COL4A3: variants seen among roughly 807,000 people sequenced by gnomAD.
COL4A3 encodes collagen alpha-3(IV) chain.
Under a neutral mutation model 217.4 loss-of-function variants are expected in COL4A3, and 135 were observed. That is an observed-to-expected ratio of 0.62 (90% CI 0.54 to 0.72). COL4A3 has a LOEUF of 0.72. COL4A3 is among the 30% of genes least tolerant of loss of function. The probability of loss-of-function intolerance (pLI) is 0.00; values close to 1 mark genes in which losing one functional copy is unlikely to be tolerated. For synonymous variants in COL4A3, 690 were observed against 736.3 expected, an observed-to-expected ratio of 0.94 and a Z score of 1.02; for missense variants, 1,868 against 2,119.9, an observed-to-expected ratio of 0.88 and a Z score of 2.33.
Position 227,253,493 on chromosome 2 carries a change from A to C in COL4A3, c.688-68A>C. On this transcript the variant is annotated intron_variant, in intron 12 of 51. Coordinates refer to ENST00000396578, the MANE Select transcript of COL4A3 (RefSeq NM_000091.5). The surrounding 1 kb of genome is among the most constrained non-coding windows in gnomAD (Gnocchi z 4.4). ...ACTAAAGGGGAAAAGTAGACCTTTC[A>C]AACGTAGTAACATTGAAATGTTGAT... is the stretch of plus-strand genomic sequence containing the variant. The C allele has an allele frequency of 2.1e-6, 3 of 1,458,104 alleles. No individual in the cohort carries two copies. Among genetic ancestry groups the C allele is most frequent in the Non-Finnish European group, 2.9e-6 (3 of 1,037,766 alleles). The allele number at this position is 1,458,104 out of a possible 1,614,324, so 90.3% of individuals were successfully genotyped here.
chr2:227,221,665 A>G (rs2067792745), intron 1 of COL4A3, among the ~76,000 whole-genome samples: 1 of 151,296 alleles, frequency 6.6e-6, no homozygotes, highest in African/African-American at 2.4e-5. Context: ...TCCTGCATTA[A>G]TTTTTCTTGG....
chr2:227,249,230 A>ATATATATATATTTTTTTTTTTT, intron 9 of COL4A3, among the ~76,000 whole-genome samples: 1 of 14,692 alleles, frequency 6.8e-5, no homozygotes, highest in Non-Finnish European at 1.2e-4. Flanking sequence ...ATATATATAT[A>ATATATATATATTTTTTTTTTTT]TTTTTTTTTT....
intron 1 of COL4A3, among the ~76,000 whole-genome samples, chr2:227,171,718 G>A (rs2065479947): frequency 1.3e-5 from 2 of 152,138 alleles, no homozygotes; most frequent in Admixed American, 1.3e-4. Context: ...CTCCTCTGAA[G>A]AAAGAATTCA....
intron 1 of COL4A3, among the ~76,000 whole-genome samples, chr2:227,234,397 C>G (rs2068576989): frequency 6.6e-6 from 1 of 152,178 alleles, no homozygotes; most frequent in African/African-American, 2.4e-5. Flanking sequence ...GTTAAAATAG[C>G]CAAAGCCTCT....
intron 9 of COL4A3, among the ~76,000 whole-genome samples, chr2:227,249,239 T>A (rs1186566540): frequency 1.3e-5 from 1 of 78,842 alleles, no homozygotes. Context: ...TATTTTTTTT[T>A]TTTTTTTTTT....
intron 1 of COL4A3, among the ~76,000 whole-genome samples, chr2:227,167,687 T>C (rs1355595388): frequency 1.3e-5 from 2 of 152,188 alleles, no homozygotes; most frequent in African/African-American, 2.4e-5. Flanking sequence ...TTTAAGCACT[T>C]TCAGTTAAAT....
At chr2:227,279,941 T>TG (rs770406924) in intron 29 of COL4A3, 51 bp downstream of exon 29, 2 of 1,294,026 alleles carry the variant, frequency 1.5e-6, no homozygotes, top group Non-Finnish European at 2.2e-6. Flanking sequence ...GACCATTAAC[T>TG]GGCCAGTTTG....
intron 1 of COL4A3, among the ~76,000 whole-genome samples, chr2:227,179,216 G>T (rs553086899): frequency 2.1e-4 from 32 of 152,284 alleles, no homozygotes; most frequent in Non-Finnish European, 2.9e-4. Flanking sequence ...CTCCCAAAGT[G>T]CTGGGTTTAC....
At chr2:227,238,183 A>AG (rs1386235948) in intron 2 of COL4A3, 159 bp downstream of exon 2, 7 of 527,784 alleles carry the variant, frequency 1.3e-5, no homozygotes, top group Non-Finnish European at 2.1e-5. Flanking sequence ...ACCTAAAAAA[A>AG]AAAAAAGAAA....
chr2:227,200,984 G>A lies in COL4A3; in HGVS notation c.87+36171G>A, dbSNP rs1574545490. Among the ~76,000 whole-genome samples the A allele has an allele frequency of 2.6e-5, 4 of 152,276 alleles. No individual in the cohort carries two copies. The South Asian group carries it at 8.3e-4, about 32-fold the overall frequency. On this transcript the variant is annotated intron_variant, in intron 1 of 51. Transcript: ENST00000396578. ...AACATTCAAGAACATGGGAAGAAGT[G>A]TTCTTCTTAAATTAAGTTTAGATTA...
chr2:227,204,524 G>A (rs988956260), intron 1 of COL4A3, among the ~76,000 whole-genome samples: 8 of 152,146 alleles, frequency 5.3e-5, no homozygotes, highest in Admixed American at 3.3e-4. Context: ...GAAGGGACCC[G>A]TGCAAATGAT....
intron 18 of COL4A3, among the ~76,000 whole-genome samples, chr2:227,258,054 T>C (rs570823310): frequency 6.6e-6 from 1 of 152,362 alleles, no homozygotes; most frequent in Admixed American, 6.5e-5. Context: ...GCCCAAGCTC[T>C]GTGTAGCAGG....
intron 15 of COL4A3, among the ~76,000 whole-genome samples, chr2:227,255,802 T>C (rs762790363): frequency 6.6e-6 from 1 of 152,140 alleles, no homozygotes; most frequent in African/African-American, 2.4e-5. Context: ...TCTCTGACTT[T>C]CTCCAGTTTC....
At position 227,203,183 on chromosome 2, in the gene COL4A3, G is replaced by A. The variant is rs765768210; in HGVS notation, c.88-34785G>A. ...CATATATGTGTATATATGTGTATAT[G>A]TGTGTATATATACATATATGTGTAT... On this transcript the variant is annotated intron_variant, in intron 1 of 51. Coordinates refer to ENST00000396578, the MANE Select transcript of COL4A3 (RefSeq NM_000091.5). Among the ~76,000 whole-genome samples the A allele has an allele frequency of 1.3e-3, 15 of 11,390 alleles. 2 individuals carry two copies. The highest frequency in any genetic ancestry group is 2.4e-3 in the Admixed American group (2 of 846). The allele number at this position is 11,390 out of a possible 152,430, so 7.5% of individuals were successfully genotyped here.
At chr2:227,287,769 T>C (rs1338035195) in intron 34 of COL4A3, among the ~76,000 whole-genome samples, 1 of 152,222 alleles carries the variant, frequency 6.6e-6, no homozygotes, top group Non-Finnish European at 1.5e-5. Flanking sequence ...AATTCTTCCC[T>C]GTAGTATATT....
At chr2:227,249,230 A>ATATATATATATATATATATATATATTTT in intron 9 of COL4A3, among the ~76,000 whole-genome samples, 3 of 14,686 alleles carry the variant, frequency 2.0e-4, no homozygotes, top group Non-Finnish European at 2.5e-4. Flanking sequence ...ATATATATAT[A>ATATATATATATATATATATATATATTTT]TTTTTTTTTT....
intron 1 of COL4A3, 143 bp from the exon 2 acceptor site, chr2:227,237,825 G>T: frequency 1.4e-6 from 1 of 696,700 alleles, no homozygotes. Context: ...TATTTCTATT[G>T]ATATATTGCT....
chr2:227,248,704 C>T (rs1158415548), intron 9 of COL4A3, among the ~76,000 whole-genome samples, 184 bp downstream of exon 9: 3 of 152,154 alleles, frequency 2.0e-5, no homozygotes, highest in African/African-American at 7.2e-5. Flanking sequence ...CTAAAGCTTT[C>T]ACCCTATTCT....
intron 2 of COL4A3, among the ~76,000 whole-genome samples, chr2:227,239,372 T>G (rs2068884876): frequency 1.3e-5 from 2 of 151,802 alleles, no homozygotes; most frequent in African/African-American, 4.8e-5. Context: ...CCATTTTGTA[T>G]AAGGGACTTA....
Sources: gnomAD v4.1 joint callset for allele counts (sites outside exome capture counted in the v4.1 genomes callset) on GRCh38, gnomAD v4.1.1 for gene constraint, Gnocchi (gnomAD v3.1) non-coding constraint, MANE v1.5 for transcripts, NCBI Gene and HGNC (gene_info 2026-07-23, HGNC 2026-07-21) for gene names.